TMEM196: variants seen among roughly 807,000 people sequenced by gnomAD.
The protein encoded by TMEM196 is transmembrane protein 196.
A neutral mutation model predicts 20.0 loss-of-function variants in TMEM196; 17 were observed. The ratio of observed to expected loss-of-function variants is 0.85; its 90% confidence interval spans 0.58 to 1.27. TMEM196 has a LOEUF of 1.27. Ranked by LOEUF, TMEM196 falls within the 50% of genes most tolerant of loss-of-function variation. The probability of loss-of-function intolerance (pLI) is 0.00; values close to 1 mark genes in which losing one functional copy is unlikely to be tolerated. For synonymous variants in TMEM196, 113 were observed against 88.9 expected (o/e 1.27, Z -1.52); for missense variants, 267 against 223.0 (o/e 1.20, Z -1.26).
At chr7:19,744,466 G>A (rs1204418847) in intron 1 of TMEM196, among the ~76,000 whole-genome samples, 1 of 152,128 alleles carries the variant, frequency 6.6e-6, no homozygotes, top group East Asian at 1.9e-4. Flanking sequence ...GTAACAGTGT[G>A]CTTTTACTGA....
At chr7:19,737,824 T>A (rs1784461323) in intron 1 of TMEM196, among the ~76,000 whole-genome samples, 1 of 151,928 alleles carries the variant, frequency 6.6e-6, no homozygotes, top group Non-Finnish European at 1.5e-5. Flanking sequence ...CTGTATGATA[T>A]TGCAATTGTG....
intron 1 of TMEM196, among the ~76,000 whole-genome samples, chr7:19,768,566 A>G (rs1785728341): frequency 6.6e-6 from 1 of 152,156 alleles, no homozygotes; most frequent in Non-Finnish European, 1.5e-5. Flanking sequence ...AATCTGATAC[A>G]TCAGTTATAA....
intron 1 of TMEM196, among the ~76,000 whole-genome samples, chr7:19,755,259 A>T (rs1785159962): frequency 1.3e-5 from 2 of 152,178 alleles, no homozygotes; most frequent in Non-Finnish European, 2.9e-5. Context: ...GTAATTATTA[A>T]TTATATATCT....
intron 1 of TMEM196, among the ~76,000 whole-genome samples, chr7:19,739,124 C>T (rs1562614009): frequency 1.3e-5 from 2 of 151,938 alleles, no homozygotes; most frequent in African/African-American, 4.8e-5. Flanking sequence ...AGCCAGTAGA[C>T]AATTCAAATA....
At chr7:19,760,046 C>T (rs1002562164) in intron 1 of TMEM196, among the ~76,000 whole-genome samples, 4 of 152,038 alleles carry the variant, frequency 2.6e-5, no homozygotes, top group South Asian at 2.1e-4. Context: ...TGTTGTGGCA[C>T]GTATATAAAG....
chr7:19,730,726 C>A (rs181105459), intron 1 of TMEM196, among the ~76,000 whole-genome samples: 5 of 152,054 alleles, frequency 3.3e-5, no homozygotes, highest in Non-Finnish European at 4.4e-5. Context: ...GTGAGAAGTA[C>A]CAAGAAAATC....
intron 1 of TMEM196, among the ~76,000 whole-genome samples, chr7:19,746,945 T>C (rs968094495): frequency 2.6e-5 from 4 of 152,290 alleles, no homozygotes; most frequent in African/African-American, 9.6e-5. Flanking sequence ...AGTTCTTTCT[T>C]TGGAATTAGG....
chr7:19,764,302 C>G (rs714238), intron 1 of TMEM196, among the ~76,000 whole-genome samples: 1 of 152,072 alleles, frequency 6.6e-6, no homozygotes, highest in African/African-American at 2.4e-5. Flanking sequence ...TTCTGCCCTG[C>G]AGAGCTCTCC....
At position 19,747,217 on chromosome 7, in the gene TMEM196, T is replaced by C. The variant is rs1393354599; in HGVS notation, c.148-17779A>G. Among the ~76,000 whole-genome samples the C allele has an allele frequency of 2.7e-5, 4 of 148,020 alleles. 1 individual carries two copies. In the South Asian group the frequency reaches 6.4e-4, roughly 24 times the overall value. ...TTGCAGTTAGCCGAGATCGCGCCAC[T>C]GCACTCCAGCCTGGGCGACAGAGCG... On this transcript the variant is annotated intron_variant, in intron 1 of 4. Transcript: ENST00000405844.
rs1783963669 is a variant in TMEM196, at chr7:19,725,503, A to G, written c.459+11T>C. 1 of 1,600,006 alleles carries G rather than the reference A, an allele frequency of 6.2e-7. No homozygotes were observed. The highest frequency in any genetic ancestry group is 8.6e-7 in the Non-Finnish European group (1 of 1,168,318). On this transcript the variant is annotated intron_variant, in intron 3 of 4. Transcript: ENST00000405844. ...TGTGCTAGCAGTGAGAGGAAAAGGT[A>G]CAAAACTCACTTTCTCAGCCATTTC...
intron 1 of TMEM196, among the ~76,000 whole-genome samples, chr7:19,749,799 C>T (rs951829953): frequency 7.2e-5 from 11 of 152,222 alleles, no homozygotes; most frequent in Admixed American, 2.6e-4. Flanking sequence ...AATTCTCCTA[C>T]GTATTGAGGC....
At chr7:19,733,561 T>G (rs1216683896) in intron 1 of TMEM196, among the ~76,000 whole-genome samples, 2 of 152,050 alleles carry the variant, frequency 1.3e-5, no homozygotes, top group Non-Finnish European at 1.5e-5. Flanking sequence ...AGCAAAAGGC[T>G]TAGGCTTCTG....
intron 1 of TMEM196, among the ~76,000 whole-genome samples, chr7:19,755,282 G>T (rs956282020): frequency 6.6e-6 from 1 of 152,070 alleles, no homozygotes; most frequent in Admixed American, 6.6e-5. Flanking sequence ...CATTGCAAAA[G>T]GTTTTAAACT....
intron 1 of TMEM196, among the ~76,000 whole-genome samples, chr7:19,758,931 A>T (rs535608420): frequency 6.6e-6 from 1 of 152,126 alleles, no homozygotes; most frequent in African/African-American, 2.4e-5. Context: ...AGAATTAATA[A>T]AAAAAACTCC....
At chr7:19,752,249 TCAG>T (rs1245652965) in intron 1 of TMEM196, among the ~76,000 whole-genome samples, 1 of 152,204 alleles carries the variant, frequency 6.6e-6, no homozygotes, top group East Asian at 1.9e-4. Flanking sequence ...ACTTACATTG[TCAG>T]CTTCAGACTC....
At chr7:19,746,470 A>G in intron 1 of TMEM196, among the ~76,000 whole-genome samples, 1 of 152,236 alleles carries the variant, frequency 6.6e-6, no homozygotes, top group Non-Finnish European at 1.5e-5. Context: ...GAGTTCAGTG[A>G]CGTATATGTG....
chr7:19,762,538 A>G (rs1785476497), intron 1 of TMEM196, among the ~76,000 whole-genome samples: 1 of 152,182 alleles, frequency 6.6e-6, no homozygotes, highest in South Asian at 2.1e-4. Context: ...GTAGTTTTAT[A>G]TTAATGTAGG....
intron 1 of TMEM196, among the ~76,000 whole-genome samples, chr7:19,743,682 T>C (rs1223702317): frequency 1.3e-5 from 2 of 152,100 alleles, no homozygotes; most frequent in Non-Finnish European, 2.9e-5. Flanking sequence ...ACTTGAAATT[T>C]CCTGAGGGAG....
At chr7:19,750,564 C>T (rs1442630498) in intron 1 of TMEM196, among the ~76,000 whole-genome samples, 1 of 152,126 alleles carries the variant, frequency 6.6e-6, no homozygotes, top group Non-Finnish European at 1.5e-5. Context: ...GTTGTAAATA[C>T]TTTTAAGCAG....
Sources: allele counts gnomAD v4.1 joint callset (sites outside exome capture counted in the v4.1 genomes callset), GRCh38; gene constraint gnomAD v4.1.1; transcripts MANE v1.5; gene names NCBI Gene and HGNC (gene_info 2026-07-23, HGNC 2026-07-21).